The following GRM8 variants were observed in gnomAD, a reference collection of about 807,000 sequenced individuals.
GRM8 encodes the protein metabotropic glutamate receptor 8.
A neutral mutation model predicts 87.2 loss-of-function variants in GRM8; 47 were observed. That is an observed-to-expected ratio of 0.54 (90% CI 0.43 to 0.69). The LOEUF (loss-of-function observed/expected upper bound fraction) is 0.69. Ranked by LOEUF, GRM8 falls within the 30% of genes least tolerant of loss-of-function variation. The pLI, the probability that GRM8 is intolerant of heterozygous loss-of-function variation, is 0.00. For missense variants in GRM8, 1,019 were observed against 1,139.2 expected (o/e 0.89, Z 1.52); for synonymous variants, 396 against 404.5 (o/e 0.98, Z 0.25).
chr7:127,124,436 A>G (rs571793022), intron 2 of GRM8, among the ~76,000 whole-genome samples: 14 of 152,054 alleles, frequency 9.2e-5, no homozygotes, highest in Non-Finnish European at 1.5e-4. Flanking sequence ...CCCTCTAGAT[A>G]TTCCTTCTTT....
intron 2 of GRM8, among the ~76,000 whole-genome samples, chr7:127,171,208 C>T (rs1470243109): frequency 6.6e-6 from 1 of 152,152 alleles, no homozygotes; most frequent in Non-Finnish European, 1.5e-5. Flanking sequence ...CATGATAAAA[C>T]TTGAACAGAT....
chr7:126,596,651 G>A (rs1157333612), intron 8 of GRM8, among the ~76,000 whole-genome samples: 1 of 152,156 alleles, frequency 6.6e-6, no homozygotes, highest in Non-Finnish European at 1.5e-5. Flanking sequence ...GAAATGTTCT[G>A]TATGTTTACT....
chr7:127,151,173 CA>C (rs1410559852), intron 2 of GRM8, among the ~76,000 whole-genome samples: 2 of 151,954 alleles, frequency 1.3e-5, no homozygotes, highest in African/African-American at 4.8e-5. Flanking sequence ...CTCTATACTC[CA>C]AAAGTCTCTC....
chr7:127,062,504 G>A (rs1490487294), intron 3 of GRM8, among the ~76,000 whole-genome samples: 1 of 152,208 alleles, frequency 6.6e-6, no homozygotes, highest in Admixed American at 6.5e-5. Flanking sequence ...ACATGGGGGT[G>A]TAAGAGTCCA....
chr7:127,035,690 CT>C (rs2132341219), intron 3 of GRM8, among the ~76,000 whole-genome samples: 1 of 152,308 alleles, frequency 6.6e-6, no homozygotes, highest in Admixed American at 6.5e-5. Context: ...AACTTACAAG[CT>C]GCCCTTTGAC....
chr7:126,721,842 T>C (rs1812422805), intron 7 of GRM8, among the ~76,000 whole-genome samples: 1 of 152,116 alleles, frequency 6.6e-6, no homozygotes, highest in African/African-American at 2.4e-5. Context: ...GTGCCTCTTT[T>C]AATAGGCCTA....
chr7:127,075,226 C>A (rs1320523447), intron 3 of GRM8, among the ~76,000 whole-genome samples: 1 of 152,084 alleles, frequency 6.6e-6, no homozygotes, highest in East Asian at 1.9e-4. Flanking sequence ...CCAGGTGAGG[C>A]TTTAAGCTCA....
At chr7:127,208,292 T>C (rs1250453346) in intron 2 of GRM8, among the ~76,000 whole-genome samples, 1 of 152,170 alleles carries the variant, frequency 6.6e-6, no homozygotes, top group African/African-American at 2.4e-5. Context: ...TCCCACTTCA[T>C]GATTATTCAT....
rs117394394 is a variant in GRM8 at position 127,025,420 on chromosome 7, A to G, written c.727+81076T>C. 4.7e-4 allele frequency among the ~76,000 whole-genome samples: 72 copies of G among 152,226 alleles called. 2 individuals carry two copies. In the East Asian group the frequency reaches 8.7e-3, roughly 18 times the overall value. ...TTATTTTCTATTTTGCTTGACTGCT[A>G]TGAAACAACAATATTGTCCCCCATC... On this transcript the variant is annotated intron_variant, in intron 3 of 10. Transcript: ENST00000339582.
chr7:126,858,987 C>A (rs1372096455), intron 6 of GRM8, among the ~76,000 whole-genome samples: 1 of 152,042 alleles, frequency 6.6e-6, no homozygotes, highest in Non-Finnish European at 1.5e-5. Flanking sequence ...CCCTCCACCC[C>A]CCACCCCACA....
chr7:127,106,622 A>G lies in GRM8; in HGVS notation c.601T>C (p.Tyr201His), dbSNP rs1825830140. The G allele has an allele frequency of 6.2e-7, 1 of 1,613,860 alleles. No individual in the cohort carries two copies. The highest frequency in any genetic ancestry group is 8.5e-7 in the Non-Finnish European group (1 of 1,179,764). ...FFSRVVPPDSYQAQAMVDIVT... is the reference protein window; with the variant it reads ...FFSRVVPPDSHQAQAMVDIVT... ...ATGTCCACCATGGCTTGGGCTTGGT[A>G]GGAGTCAGGCGGAACCACTCGAGAG... Residue 201 changes from tyrosine to histidine, a missense_variant, in exon 3 of 11, where the codon TAC becomes CAC. Transcript: ENST00000339582.
chr7:126,798,528 G>A (rs71576300), intron 6 of GRM8, among the ~76,000 whole-genome samples: 1,758 of 152,194 alleles, frequency 0.012, 23 homozygotes, highest in Middle Eastern at 0.027. Flanking sequence ...ATAATGACAG[G>A]GATGGGCCAG....
chr7:126,732,146 T>C (rs1813676189), intron 7 of GRM8, among the ~76,000 whole-genome samples: 1 of 152,088 alleles, frequency 6.6e-6, no homozygotes, highest in African/African-American at 2.4e-5. Flanking sequence ...AGAACAAACA[T>C]TATCATAATA....
chr7:127,164,022 G>T (rs1464084886), intron 2 of GRM8, among the ~76,000 whole-genome samples: 5 of 152,104 alleles, frequency 3.3e-5, no homozygotes, highest in Admixed American at 6.6e-5. Context: ...CTGGCAGGAG[G>T]TGATTAGATC....
chr7:126,943,576 T>A (rs1237284576), intron 3 of GRM8, among the ~76,000 whole-genome samples: 1 of 152,234 alleles, frequency 6.6e-6, no homozygotes, highest in Admixed American at 6.5e-5. Flanking sequence ...CTTCTCCATA[T>A]CAAATCCATT....
At chr7:126,946,766 G>A (rs1163636094) in intron 3 of GRM8, among the ~76,000 whole-genome samples, 1 of 152,162 alleles carries the variant, frequency 6.6e-6, no homozygotes, top group East Asian at 1.9e-4. Context: ...TGCTTATTAT[G>A]TTAAGCCATT....
intron 2 of GRM8, among the ~76,000 whole-genome samples, chr7:127,198,729 G>A (rs907509754): frequency 6.6e-6 from 1 of 151,554 alleles, no homozygotes; most frequent in African/African-American, 2.4e-5. Flanking sequence ...AGTCTGGAGT[G>A]CAGTGATATG....
chr7:126,803,651 G>A (rs1347823685), intron 6 of GRM8, among the ~76,000 whole-genome samples: 3 of 152,088 alleles, frequency 2.0e-5, no homozygotes, highest in African/African-American at 7.2e-5. Context: ...TTTAAGCATT[G>A]TTCTATGACT....
intron 3 of GRM8, among the ~76,000 whole-genome samples, chr7:127,074,275 C>T (rs1054453987): frequency 6.6e-6 from 1 of 152,144 alleles, no homozygotes; most frequent in African/African-American, 2.4e-5. Flanking sequence ...GTGTAAAACT[C>T]AGTCTTTTTG....
Sources: allele counts gnomAD v4.1 joint callset (sites outside exome capture counted in the v4.1 genomes callset), GRCh38; gene constraint gnomAD v4.1.1; transcripts MANE v1.5; gene names NCBI Gene and HGNC (gene_info 2026-07-23, HGNC 2026-07-21).